Variants in MPHOSPH6 observed in about 807,000 individuals in gnomAD.
The protein encoded by MPHOSPH6 is M-phase phosphoprotein 6.
MPHOSPH6 carries 25 observed loss-of-function variants against 21.8 expected under a neutral mutation model. That is an observed-to-expected ratio of 1.15 (90% CI 0.83 to 1.60). The LOEUF (loss-of-function observed/expected upper bound fraction) is 1.60. Among genes scored for constraint, MPHOSPH6 ranks in the 40% most tolerant of loss-of-function variants. The pLI is 0.00. For synonymous variants in MPHOSPH6, 84 were observed against 56.5 expected (o/e 1.49, Z -2.18); for missense variants, 269 against 181.8 (o/e 1.48, Z -2.76).
intron 2 of MPHOSPH6, among the ~76,000 whole-genome samples, chr16:82,156,937 C>G (rs113756285): frequency 6.6e-6 from 1 of 152,114 alleles, no homozygotes; most frequent in African/African-American, 2.4e-5. Context: ...CCTGTAATCC[C>G]AGCTACTCCG....
At chr16:82,163,019 C>G (rs1420484068) in intron 2 of MPHOSPH6, among the ~76,000 whole-genome samples, 3 of 152,182 alleles carry the variant, frequency 2.0e-5, no homozygotes, top group Non-Finnish European at 4.4e-5. Context: ...TATCTTCTCC[C>G]TCCTCACCAA....
chr16:82,149,001 T>A, intron 4 of MPHOSPH6, 138 bp from the exon 5 acceptor site: 1 of 1,158,550 alleles, frequency 8.6e-7, no homozygotes, highest in Non-Finnish European at 1.2e-6. Context: ...CCATCTGATT[T>A]AACAATTTAT....
chr16:82,149,348 G>A lies in MPHOSPH6; in HGVS notation c.311C>T (p.Thr104Ile). Residue 104 changes from threonine (T) to isoleucine (I), a missense_variant, in exon 4 of 5, where the codon ACA (threonine) becomes ATA (isoleucine). Coordinates refer to ENST00000258169, the MANE Select transcript of MPHOSPH6 (RefSeq NM_005792.2). ...KHKAEEVEDE[T>I]VELDVSDEEM... is the part of the protein sequence containing the mutation. The stretch of plus-strand genomic sequence containing the variant: ...TTCATCTGACACATCAAGCTCTACT[G>A]TTTCATCTTCAACTTCTTCTGCTTT... The A allele has an allele frequency of 6.2e-7, 1 of 1,613,274 alleles. No individual in the cohort carries two copies. The highest frequency in any genetic ancestry group is 8.5e-7 in the Non-Finnish European group (1 of 1,180,028).
intron 2 of MPHOSPH6, among the ~76,000 whole-genome samples, chr16:82,158,362 AGC>A (rs1906497213): frequency 6.6e-6 from 1 of 151,282 alleles, no homozygotes; most frequent in Admixed American, 6.6e-5. Flanking sequence ...GGCTGGGCAT[AGC>A]GGCGGGTGCC....
At chr16:82,154,663 T>G (rs773595063) in intron 2 of MPHOSPH6, among the ~76,000 whole-genome samples, 1 of 151,530 alleles carries the variant, frequency 6.6e-6, no homozygotes, top group African/African-American at 2.4e-5. Flanking sequence ...AAAAACAATT[T>G]AAAAAAATAA....
chr16:82,167,421 C>G (rs542618238), intron 1 of MPHOSPH6: 1 of 152,278 alleles, frequency 6.6e-6, no homozygotes, highest in East Asian at 1.9e-4. Context: ...AATTTTTCCA[C>G]GGGTGGTGGA....
intron 2 of MPHOSPH6, among the ~76,000 whole-genome samples, chr16:82,155,445 C>T (rs1340886785): frequency 6.6e-6 from 1 of 152,152 alleles, no homozygotes; most frequent in Non-Finnish European, 1.5e-5. Flanking sequence ...GTCAGTGAGT[C>T]AATTTAGCAT....
chr16:82,167,441 G>C (rs1906819642), intron 1 of MPHOSPH6: 1 of 152,120 alleles, frequency 6.6e-6, no homozygotes, highest in Non-Finnish European at 1.5e-5. Context: ...AGAGGGGAAG[G>C]GTAGATGGTT....
chr16:82,153,424 G>A (rs533636356), intron 2 of MPHOSPH6, among the ~76,000 whole-genome samples: 313 of 152,328 alleles, frequency 2.1e-3, no homozygotes, highest in Middle Eastern at 0.01. Context: ...CCATGAATGC[G>A]GAGCTTTCTG....
intron 1 of MPHOSPH6, among the ~76,000 whole-genome samples, chr16:82,167,882 G>C: frequency 6.6e-6 from 1 of 152,150 alleles, no homozygotes. Context: ...TCCATGGCCT[G>C]GCGGTTGGGG....
chr16:82,153,524 T>C (rs1008096828), intron 2 of MPHOSPH6, among the ~76,000 whole-genome samples: 3 of 152,082 alleles, frequency 2.0e-5, no homozygotes, highest in Admixed American at 2.0e-4. Flanking sequence ...ACTGTTTCAT[T>C]GGGGCTTTAG....
intron 2 of MPHOSPH6, among the ~76,000 whole-genome samples, chr16:82,160,946 C>A (rs1202902723): frequency 8.0e-6 from 1 of 125,568 alleles, no homozygotes; most frequent in African/African-American, 3.3e-5. Flanking sequence ...TCCCTACACT[C>A]AGAGGAAAGC....
At chr16:82,169,491 C>G (rs951921445) in intron 1 of MPHOSPH6, among the ~76,000 whole-genome samples, 4 of 152,208 alleles carry the variant, frequency 2.6e-5, no homozygotes, top group Non-Finnish European at 4.4e-5. Flanking sequence ...TTCTCTGGGT[C>G]TCCAGCCTAC....
intron 4 of MPHOSPH6, among the ~76,000 whole-genome samples, 185 bp downstream of exon 4, chr16:82,149,124 C>T (rs1906180398): frequency 6.6e-6 from 1 of 152,154 alleles, no homozygotes. Flanking sequence ...GAAATGGGCC[C>T]TCAACTGGCA....
chr16:82,162,631 C>T (rs1567615079), intron 2 of MPHOSPH6, among the ~76,000 whole-genome samples: 1 of 152,202 alleles, frequency 6.6e-6, no homozygotes, highest in Non-Finnish European at 1.5e-5. Flanking sequence ...TAATCACTCC[C>T]ACTACACATG....
At chr16:82,158,110 G>A (rs914248753) in intron 2 of MPHOSPH6, among the ~76,000 whole-genome samples, 2 of 152,060 alleles carry the variant, frequency 1.3e-5, no homozygotes, top group African/African-American at 4.8e-5. Context: ...TGTTCTTGAT[G>A]ACACAGCACA....
chr16:82,148,913 G>C (rs755210996), intron 4 of MPHOSPH6, 50 bp from the exon 5 acceptor site: 12 of 1,595,148 alleles, frequency 7.5e-6, no homozygotes, highest in Non-Finnish European at 8.5e-7. Flanking sequence ...AAAAGGTAGG[G>C]ATCAAGCCTT....
intron 1 of MPHOSPH6, among the ~76,000 whole-genome samples, chr16:82,165,874 T>C (rs1906761733): frequency 7.5e-6 from 1 of 133,938 alleles, no homozygotes; most frequent in Admixed American, 7.9e-5. Flanking sequence ...TGTTGTTAAA[T>C]CATGTGTTAA....
intron 2 of MPHOSPH6, among the ~76,000 whole-genome samples, chr16:82,162,051 T>C (rs985282129): frequency 3.3e-5 from 5 of 152,244 alleles, no homozygotes; most frequent in African/African-American, 7.2e-5. Context: ...TATATTCAGA[T>C]ATAAGGAAAT....
Sources: gnomAD v4.1 joint callset for allele counts (sites outside exome capture counted in the v4.1 genomes callset) on GRCh38, gnomAD v4.1.1 for gene constraint, MANE v1.5 for transcripts, NCBI Gene and HGNC (gene_info 2026-07-23, HGNC 2026-07-21) for gene names.